The following CPPED1 variants were observed in gnomAD, a reference collection of about 807,000 sequenced individuals.
The protein encoded by CPPED1 is serine/threonine-protein phosphatase CPPED1.
A neutral mutation model predicts 28.0 loss-of-function variants in CPPED1; 28 were observed. The ratio of observed to expected loss-of-function variants is 1.00; its 90% CI spans 0.74 to 1.37. The LOEUF (loss-of-function observed/expected upper bound fraction) is 1.37. CPPED1 is among the 40% of genes most tolerant of loss of function. CPPED1 has a pLI of 0.00. For missense variants in CPPED1, 504 were observed against 416.5 expected, an observed-to-expected ratio of 1.21 and a Z score of -1.83; for synonymous variants, 198 against 180.2, an observed-to-expected ratio of 1.10 and a Z score of -0.79.
intron 2 of CPPED1, among the ~76,000 whole-genome samples, chr16:12,770,839 C>CAGAAGGAAAGGAAAGGGAG (rs1270281640): frequency 1.7e-5 from 2 of 119,780 alleles, no homozygotes; most frequent in Admixed American, 2.5e-4. Context: ...AAAGGGAGGG[C>CAGAAGGAAAGGAAAGGGAG]AGAAGGAAAG....
Position 12,795,519 on chromosome 16 carries a change from T to C in CPPED1, c.70+8188A>G, listed in dbSNP as rs539944622. Among the ~76,000 whole-genome samples, 3 of 152,264 alleles carry C rather than the reference T, an allele frequency of 2.0e-5. No individual in the cohort carries two copies. In the South Asian group the frequency reaches 6.2e-4, roughly 32 times the overall value. On this transcript the variant is annotated intron_variant, in intron 1 of 3. Transcript: ENST00000381774. The stretch of plus-strand genomic sequence containing the variant: ...CATGCTCAGCTAATCATTGTATTTT[T>C]AGTACAGATGGGGTTTCACCATGTT...
chr16:12,684,308 T>G (rs116882102), intron 3 of CPPED1, among the ~76,000 whole-genome samples: 4,037 of 152,302 alleles, frequency 0.027, 74 homozygotes, highest in Non-Finnish European at 0.042. Flanking sequence ...CCCAGGAGTT[T>G]GGGACCAGCC....
At chr16:12,719,334 T>C (rs1465914000) in intron 2 of CPPED1, among the ~76,000 whole-genome samples, 1 of 148,052 alleles carries the variant, frequency 6.8e-6, no homozygotes, top group African/African-American at 2.5e-5. Flanking sequence ...GAGCTTGCAG[T>C]GAGCCGAGAT....
intron 1 of CPPED1, among the ~76,000 whole-genome samples, chr16:12,782,489 C>T (rs1454334497): frequency 1.3e-5 from 2 of 151,428 alleles, no homozygotes; most frequent in African/African-American, 4.8e-5. Context: ...AGAGAACTTG[C>T]TAAATGGCCT....
chr16:12,696,000 C>T (rs1274626951), intron 3 of CPPED1, among the ~76,000 whole-genome samples: 1 of 152,174 alleles, frequency 6.6e-6, no homozygotes, highest in Non-Finnish European at 1.5e-5. Context: ...TCAGCGACTA[C>T]CATCCTTTTA....
At chr16:12,672,462 G>A (rs546237405) in intron 3 of CPPED1, among the ~76,000 whole-genome samples, 1 of 152,292 alleles carries the variant, frequency 6.6e-6, no homozygotes, top group African/African-American at 2.4e-5. Context: ...TACATGTACT[G>A]GCACCAAAAG....
chr16:12,699,522 A>T (rs2080009232), intron 3 of CPPED1, among the ~76,000 whole-genome samples: 1 of 152,150 alleles, frequency 6.6e-6, no homozygotes, highest in Non-Finnish European at 1.5e-5. Flanking sequence ...CAACAATGAG[A>T]GATGATTGTT....
At chr16:12,782,235 G>A (rs1182093859) in intron 1 of CPPED1, among the ~76,000 whole-genome samples, 1 of 152,220 alleles carries the variant, frequency 6.6e-6, no homozygotes, top group Admixed American at 6.5e-5. Context: ...AATGGGCACA[G>A]AAGTGCTGTG....
chr16:12,722,180 C>A (rs115199130), intron 2 of CPPED1, among the ~76,000 whole-genome samples: 4 of 152,154 alleles, frequency 2.6e-5, no homozygotes, highest in Non-Finnish European at 4.4e-5. Flanking sequence ...CCTTAGTAAG[C>A]GGAGAAACAG....
At chr16:12,705,745 C>G (rs969154471) in intron 2 of CPPED1, among the ~76,000 whole-genome samples, 5 of 152,122 alleles carry the variant, frequency 3.3e-5, no homozygotes, top group African/African-American at 1.2e-4. Flanking sequence ...GCAACAAGAG[C>G]GAATCTCTGC....
chr16:12,665,151 G>A (rs750324539), intron 3 of CPPED1, 36 bp from the exon 4 acceptor site: 2 of 1,573,654 alleles, frequency 1.3e-6, no homozygotes, highest in Non-Finnish European at 8.6e-7. Flanking sequence ...GGGGGCCGAG[G>A]ACTTCCATTA....
intron 2 of CPPED1, among the ~76,000 whole-genome samples, chr16:12,749,928 T>A (rs907550403): frequency 6.6e-6 from 1 of 152,142 alleles, no homozygotes; most frequent in African/African-American, 2.4e-5. Flanking sequence ...GAATGGTGAA[T>A]CCTTTCCAGA....
intron 2 of CPPED1, among the ~76,000 whole-genome samples, chr16:12,780,423 A>G (rs892817500): frequency 2.0e-5 from 3 of 151,932 alleles, no homozygotes; most frequent in Non-Finnish European, 2.9e-5. Flanking sequence ...TGATCCGCCC[A>G]CCTCAGCCTC....
chr16:12,696,230 C>T (rs2079989421), intron 3 of CPPED1, among the ~76,000 whole-genome samples: 2 of 152,106 alleles, frequency 1.3e-5, no homozygotes, highest in Admixed American at 6.6e-5. Flanking sequence ...GGCATGTCCC[C>T]AAACCAGGTC....
At chr16:12,726,505 G>A (rs2080170927) in intron 2 of CPPED1, among the ~76,000 whole-genome samples, 1 of 151,766 alleles carries the variant, frequency 6.6e-6, no homozygotes, top group Non-Finnish European at 1.5e-5. Flanking sequence ...ACCACACCCA[G>A]CTAATTTTTG....
At chr16:12,667,202 C>T (rs1293140779) in intron 3 of CPPED1, among the ~76,000 whole-genome samples, 2 of 152,132 alleles carry the variant, frequency 1.3e-5, no homozygotes, top group Admixed American at 1.3e-4. Flanking sequence ...GGAGAAATCA[C>T]GTGGTAAAAT....
intron 3 of CPPED1, among the ~76,000 whole-genome samples, chr16:12,687,913 A>T (rs1033287984): frequency 1.3e-5 from 2 of 152,160 alleles, no homozygotes; most frequent in African/African-American, 4.8e-5. Context: ...CATTTTATAA[A>T]TTAAAGGAAT....
intron 2 of CPPED1, among the ~76,000 whole-genome samples, chr16:12,769,867 G>A (rs984704385): frequency 2.0e-5 from 3 of 152,116 alleles, no homozygotes; most frequent in African/African-American, 7.2e-5. Flanking sequence ...TTAAACTGTA[G>A]GGTAAATTGT....
chr16:12,705,908 C>T (rs923498171), intron 2 of CPPED1, among the ~76,000 whole-genome samples: 10 of 152,188 alleles, frequency 6.6e-5, no homozygotes, highest in Non-Finnish European at 1.5e-4. Flanking sequence ...TTATCCTTTT[C>T]TTTCGGCCTG....
Sources: allele counts gnomAD v4.1 joint callset (sites outside exome capture counted in the v4.1 genomes callset), GRCh38; gene constraint gnomAD v4.1.1; transcripts MANE v1.5; gene names NCBI Gene and HGNC (gene_info 2026-07-23, HGNC 2026-07-21).